The following NOX4 variants were observed in gnomAD, a reference collection of about 807,000 sequenced individuals.
NOX4 encodes kidney oxidase-1.
NOX4 carries 69 observed loss-of-function variants against 87.6 expected under a neutral mutation model. The ratio of observed to expected loss-of-function variants is 0.79; its 90% confidence interval spans 0.65 to 0.96. The LOEUF is 0.96. NOX4 is among the 40% of genes least tolerant of loss of function. NOX4 has a pLI of 0.00. For missense variants in NOX4, 680 were observed against 681.5 expected, an observed-to-expected ratio of 1.00 and a Z score of 0.02; for synonymous variants, 275 against 238.2, an observed-to-expected ratio of 1.15 and a Z score of -1.42.
chr11:89,496,231 G>T (rs1200679417), upstream of NOX4, among the ~76,000 whole-genome samples: 1 of 152,166 alleles, frequency 6.6e-6, no homozygotes, highest in Non-Finnish European at 1.5e-5. Context: ...CACCCACATG[G>T]CTGGGTTAGC....
chr11:89,450,754 A>AT (rs1944922056), intron 3 of NOX4, among the ~76,000 whole-genome samples: 1 of 141,530 alleles, frequency 7.1e-6, no homozygotes, highest in Admixed American at 7.8e-5. Flanking sequence ...ATCAAGACAT[A>AT]TTTCTCTGCA....
chr11:89,471,791 G>T (rs940859959), intron 2 of NOX4, among the ~76,000 whole-genome samples: 1 of 152,170 alleles, frequency 6.6e-6, no homozygotes, highest in Non-Finnish European at 1.5e-5. Flanking sequence ...ACCCAGACTG[G>T]AGTGCAATGG....
chr11:89,403,187 G>C (rs372845341), intron 8 of NOX4, among the ~76,000 whole-genome samples: 2 of 152,154 alleles, frequency 1.3e-5, no homozygotes, highest in African/African-American at 4.8e-5. Flanking sequence ...ATCTCATTCT[G>C]ATTATTTCTT....
chr11:89,456,909 T>C lies in NOX4; in HGVS notation c.154-5014A>G, dbSNP rs188616424. 1.5e-3 allele frequency among the ~76,000 whole-genome samples: 227 copies of C among 152,250 alleles called. 1 individual carries two copies. Among genetic ancestry groups the C allele is most frequent in the Non-Finnish European group, 2.8e-3 (188 of 68,002 alleles). On this transcript the variant is annotated intron_variant, in intron 2 of 17. Coordinates refer to ENST00000263317, the MANE Select transcript of NOX4 (RefSeq NM_016931.5). Reference sequence around the variant, plus strand: ...TGGACCTGGACAGAACATGGTGGTGTTGCAAATGGGATGGGACCAGTCCAA... The same window carrying C: ...TGGACCTGGACAGAACATGGTGGTGCTGCAAATGGGATGGGACCAGTCCAA...
At chr11:89,547,476 C>A in the NOX4 span, among the ~76,000 whole-genome samples, 1 of 152,138 alleles carries the variant, frequency 6.6e-6, no homozygotes, top group African/African-American at 2.4e-5. Flanking sequence ...ATTCTAGGAC[C>A]TTGCTCTTCA....
At chr11:89,428,278 A>C (rs1943560571) in intron 7 of NOX4, among the ~76,000 whole-genome samples, 1 of 147,634 alleles carries the variant, frequency 6.8e-6, no homozygotes. Flanking sequence ...CCAAATTGTA[A>C]AGACCATCGA....
chr11:89,484,393 T>C (rs1244605152), intron 2 of NOX4, among the ~76,000 whole-genome samples: 6 of 152,154 alleles, frequency 3.9e-5, no homozygotes, highest in African/African-American at 1.4e-4. Flanking sequence ...ATATATTTTA[T>C]TTTGAGAGTA....
exon 1 of NOX4, chr11:89,498,028 G>A (rs1946977527): frequency 6.6e-6 from 1 of 152,040 alleles, no homozygotes. Flanking sequence ...CCAAACTCAA[G>A]ACCAGTATCT....
upstream of NOX4, among the ~76,000 whole-genome samples, chr11:89,500,602 T>G (rs1201953083): frequency 6.6e-6 from 1 of 152,148 alleles, no homozygotes; most frequent in African/African-American, 2.4e-5. Context: ...AGAAGAGATG[T>G]GTATGTCCTT....
chr11:89,539,305 A>C, the NOX4 span, among the ~76,000 whole-genome samples: 1 of 151,866 alleles, frequency 6.6e-6, no homozygotes, highest in African/African-American at 2.4e-5. Flanking sequence ...GGTGGCATGC[A>C]CCTGTAGTCC....
intron 6 of NOX4, among the ~76,000 whole-genome samples, chr11:89,434,837 C>T (rs1418753565): frequency 6.6e-6 from 1 of 151,866 alleles, no homozygotes; most frequent in Non-Finnish European, 1.5e-5. Flanking sequence ...AATTGTTAGA[C>T]TGAATAAAAG....
chr11:89,387,992 A>G (rs115990920), intron 11 of NOX4, among the ~76,000 whole-genome samples: 2,533 of 152,304 alleles, frequency 0.017, 72 homozygotes, highest in African/African-American at 0.057. Flanking sequence ...AATGGGTTCC[A>G]GCTATTGATT....
intron 8 of NOX4, among the ~76,000 whole-genome samples, chr11:89,414,427 T>C (rs528183635): frequency 1.3e-5 from 2 of 151,992 alleles, no homozygotes; most frequent in South Asian, 2.1e-4. Context: ...TGATGAATAA[T>C]ATATTTTCCC....
At chr11:89,478,464 G>T (rs1447019972) in intron 2 of NOX4, among the ~76,000 whole-genome samples, 1 of 152,098 alleles carries the variant, frequency 6.6e-6, no homozygotes, top group Admixed American at 6.6e-5. Context: ...ATGACATCAT[G>T]CCACTCTCAC....
intron 2 of NOX4, among the ~76,000 whole-genome samples, chr11:89,478,757 C>T (rs1178169649): frequency 6.6e-6 from 1 of 152,046 alleles, no homozygotes; most frequent in South Asian, 2.1e-4. Context: ...CATTCTCAGC[C>T]CATAAACTAA....
the NOX4 span, among the ~76,000 whole-genome samples, chr11:89,506,105 A>C: frequency 6.6e-6 from 1 of 151,848 alleles, no homozygotes; most frequent in Non-Finnish European, 1.5e-5. Flanking sequence ...AAATAGATCC[A>C]CACACATATG....
intron 7 of NOX4, among the ~76,000 whole-genome samples, chr11:89,428,781 C>A (rs1342062177): frequency 6.6e-6 from 1 of 152,126 alleles, no homozygotes; most frequent in Non-Finnish European, 1.5e-5. Flanking sequence ...CTATAACACC[C>A]CACTGTCAAC....
chr11:89,560,516 C>A, the NOX4 span, among the ~76,000 whole-genome samples: 1 of 152,078 alleles, frequency 6.6e-6, no homozygotes, highest in South Asian at 2.1e-4. Flanking sequence ...ACTGATAAAG[C>A]ATTATTTCCA....
chr11:89,418,418 T>C (rs1337786744), intron 8 of NOX4, among the ~76,000 whole-genome samples: 1 of 106,376 alleles, frequency 9.4e-6, no homozygotes, highest in Non-Finnish European at 2.1e-5. Flanking sequence ...CAGCTGAACA[T>C]TGAGAATAAT....
Sources: gnomAD v4.1 joint callset for allele counts (sites outside exome capture counted in the v4.1 genomes callset) on GRCh38, gnomAD v4.1.1 for gene constraint, MANE v1.5 for transcripts, NCBI Gene and HGNC (gene_info 2026-07-23, HGNC 2026-07-21) for gene names.